The following CYRIB variants were observed in gnomAD, a reference collection of about 807,000 sequenced individuals.
CYRIB encodes the protein CYFIP-related Rac1 interactor B.
A neutral mutation model predicts 44.2 loss-of-function variants in CYRIB; 8 were observed. That is an observed-to-expected ratio of 0.18 (90% confidence interval 0.11 to 0.33). The LOEUF is 0.33. Among genes scored for constraint, CYRIB ranks in the 10% least tolerant of loss-of-function variants. The probability of loss-of-function intolerance (pLI) is 1.00; values close to 1 mark genes in which losing one functional copy is unlikely to be tolerated. For missense variants in CYRIB, 185 were observed against 382.8 expected (o/e 0.48, Z 4.31); for synonymous variants, 131 against 127.2 (o/e 1.03, Z -0.20).
At chr8:129,869,721 A>C (rs1223338529) in intron 4 of CYRIB, among the ~76,000 whole-genome samples, 1 of 152,178 alleles carries the variant, frequency 6.6e-6, no homozygotes, top group East Asian at 1.9e-4. Flanking sequence ...GCCAAGACCA[A>C]AGCCCTTGTA....
intron 2 of CYRIB, among the ~76,000 whole-genome samples, chr8:129,883,811 A>G (rs1226468583): frequency 6.6e-6 from 1 of 152,190 alleles, no homozygotes; most frequent in African/African-American, 2.4e-5. Context: ...AAAGGTGCAT[A>G]TTAATAATAT....
chr8:129,952,112 C>A (rs931058177), intron 2 of CYRIB, among the ~76,000 whole-genome samples: 1 of 152,238 alleles, frequency 6.6e-6, no homozygotes, highest in Admixed American at 6.5e-5. Context: ...ATGGTGCAAT[C>A]TCGGCTTACC....
At chr8:129,919,005 G>A (rs16904174) in intron 1 of CYRIB, among the ~76,000 whole-genome samples, 2,781 of 152,200 alleles carry the variant, frequency 0.018, 44 homozygotes, top group African/African-American at 0.049. Flanking sequence ...GTCCACCACC[G>A]TTTTACAGAT....
At chr8:130,017,054 C>T (rs576001366), upstream of CYRIB, 1 of 152,590 alleles carries the variant, frequency 6.6e-6, no homozygotes, top group African/African-American at 2.4e-5. Flanking sequence ...CTGCCTGGCT[C>T]ACCTCGCAGC....
At chr8:130,002,489 A>G (rs975105157) in intron 1 of CYRIB, among the ~76,000 whole-genome samples, 2 of 152,154 alleles carry the variant, frequency 1.3e-5, no homozygotes, top group Non-Finnish European at 2.9e-5. Flanking sequence ...AGGAAAAAAG[A>G]AGGGGAGAAG....
chr8:129,887,861 T>C (rs557852906), intron 2 of CYRIB, among the ~76,000 whole-genome samples: 5 of 152,326 alleles, frequency 3.3e-5, no homozygotes, highest in African/African-American at 1.2e-4. Flanking sequence ...GTACCCTCAT[T>C]GTATCTTGGA....
chr8:129,964,466 A>G (rs1449060590), intron 2 of CYRIB, among the ~76,000 whole-genome samples: 1 of 152,144 alleles, frequency 6.6e-6, no homozygotes, highest in Non-Finnish European at 1.5e-5. Flanking sequence ...GATAACTCAG[A>G]TTTCTATGAA....
At chr8:129,851,311 A>C in intron 8 of CYRIB, 1 of 190,470 alleles carries the variant, frequency 5.3e-6, no homozygotes, top group African/African-American at 2.4e-5. Flanking sequence ...TGGTTGCTCT[A>C]TGGAGAAAGG....
chr8:130,009,378 C>CT (rs892674017), intron 1 of CYRIB, among the ~76,000 whole-genome samples: 50 of 151,770 alleles, frequency 3.3e-4, no homozygotes, highest in African/African-American at 1.1e-3. Flanking sequence ...AGCAATTCTC[C>CT]TGCCTCAGCC....
intron 1 of CYRIB, among the ~76,000 whole-genome samples, chr8:129,931,437 T>C (rs1487709996): frequency 6.6e-6 from 1 of 152,216 alleles, no homozygotes; most frequent in Non-Finnish European, 1.5e-5. Context: ...GTAATCTCTT[T>C]CAAATTGAAA....
intron 1 of CYRIB, among the ~76,000 whole-genome samples, chr8:130,011,696 G>A (rs1199988647): frequency 6.6e-6 from 1 of 151,752 alleles, no homozygotes; most frequent in African/African-American, 2.4e-5. Context: ...AGCCAGGCAT[G>A]GTGGCGGGTG....
At chr8:129,979,067 G>A (rs2096087457) in intron 1 of CYRIB, among the ~76,000 whole-genome samples, 1 of 152,048 alleles carries the variant, frequency 6.6e-6, no homozygotes, top group Non-Finnish European at 1.5e-5. Flanking sequence ...CTTGAACCTG[G>A]GAGGCAGAGG....
At chr8:129,963,256 ATTCTTCAATT>A (rs1183910653) in intron 2 of CYRIB, among the ~76,000 whole-genome samples, 1 of 152,186 alleles carries the variant, frequency 6.6e-6, no homozygotes, top group African/African-American at 2.4e-5. Context: ...TCACTCCTAG[ATTCTTCAATT>A]ACATAAACCA....
chr8:130,009,851 C>T (rs139883476), intron 1 of CYRIB, among the ~76,000 whole-genome samples: 98 of 152,294 alleles, frequency 6.4e-4, no homozygotes, highest in African/African-American at 2.1e-3. Flanking sequence ...GGTCATGCAG[C>T]GCTGAGAAGC....
intron 1 of CYRIB, among the ~76,000 whole-genome samples, chr8:129,922,131 C>T (rs942934956): frequency 2.0e-5 from 3 of 152,194 alleles, no homozygotes; most frequent in Non-Finnish European, 4.4e-5. Context: ...TTTCTTGCTG[C>T]TCATCTGCCT....
chr8:129,905,798 C>A (rs936652841), intron 1 of CYRIB, among the ~76,000 whole-genome samples: 1 of 152,046 alleles, frequency 6.6e-6, no homozygotes, highest in Non-Finnish European at 1.5e-5. Context: ...AATCAAGACA[C>A]AATAAAACAC....
At chr8:129,846,749 C>T (rs4276651) in intron 11 of CYRIB, 55 bp downstream of exon 13, 46 of 1,203,490 alleles carry the variant, frequency 3.8e-5, no homozygotes, top group East Asian at 1.2e-4. Flanking sequence ...ACATAAACAT[C>T]GACCATTTTC....
At chr8:129,966,545 C>A (rs1324488302) in intron 2 of CYRIB, among the ~76,000 whole-genome samples, 1 of 152,162 alleles carries the variant, frequency 6.6e-6, no homozygotes, top group East Asian at 1.9e-4. Flanking sequence ...AAATTCCACA[C>A]CTGGATGCAA....
intron 2 of CYRIB, among the ~76,000 whole-genome samples, chr8:129,964,662 T>C (rs543065155): frequency 2.6e-5 from 4 of 152,174 alleles, no homozygotes; most frequent in African/African-American, 4.8e-5. Flanking sequence ...GTCAGGAGGA[T>C]CACTTGAGCC....
Sources: gnomAD v4.1 joint callset for allele counts (sites outside exome capture counted in the v4.1 genomes callset) on GRCh38, gnomAD v4.1.1 for gene constraint, MANE v1.5 for transcripts, NCBI Gene and HGNC (gene_info 2026-07-23, HGNC 2026-07-21) for gene names.